Variants in FSTL5 observed in about 807,000 individuals in gnomAD.
FSTL5 encodes the protein follistatin like 5.
In FSTL5, 62 loss-of-function variants were observed where a neutral mutation model predicts 89.1. The observed-to-expected ratio is 0.70, with a 90% confidence interval of 0.57 to 0.86. The LOEUF (loss-of-function observed/expected upper bound fraction) is 0.86. Among genes scored for constraint, FSTL5 ranks in the 40% least tolerant of loss-of-function variants. FSTL5 has a pLI of 0.00. For missense variants in FSTL5, 1,057 were observed against 1,001.6 expected (o/e 1.06, Z -0.75); for synonymous variants, 383 against 346.2 (o/e 1.11, Z -1.18).
At chr4:162,051,191 AT>A (rs1322968180) in intron 2 of FSTL5, among the ~76,000 whole-genome samples, 3 of 151,544 alleles carry the variant, frequency 2.0e-5, no homozygotes, top group African/African-American at 7.2e-5. Flanking sequence ...TTGATTAAAA[AT>A]ATTGTAGAGA....
At chr4:161,865,577 T>A (rs892137507) in intron 4 of FSTL5, among the ~76,000 whole-genome samples, 2 of 152,162 alleles carry the variant, frequency 1.3e-5, no homozygotes, top group African/African-American at 4.8e-5. Context: ...TGATAAGACA[T>A]AGAAGCAGTG....
intron 12 of FSTL5, among the ~76,000 whole-genome samples, chr4:161,491,839 CA>C (rs11356806): frequency 0.2 from 24,032 of 122,634 alleles, 2,127 homozygotes; most frequent in East Asian, 0.41. Context: ...GACTCTGTCT[CA>C]AAAAAAAAAA....
At chr4:162,126,480 T>G (rs1732085294) in intron 1 of FSTL5, among the ~76,000 whole-genome samples, 1 of 152,074 alleles carries the variant, frequency 6.6e-6, no homozygotes, top group South Asian at 2.1e-4. Context: ...TTTAACACCC[T>G]TTTTATTAAA....
chr4:162,018,587 C>T (rs6536631), intron 3 of FSTL5, among the ~76,000 whole-genome samples: 14,888 of 151,914 alleles, frequency 0.098, 857 homozygotes, highest in Non-Finnish European at 0.13. Flanking sequence ...GCCTACTTGT[C>T]ATAACTTTTT....
chr4:162,119,552 T>G (rs748864409), intron 1 of FSTL5, among the ~76,000 whole-genome samples: 68 of 152,328 alleles, frequency 4.5e-4, no homozygotes, highest in Middle Eastern at 3.4e-3. Context: ...GGACAAAAAT[T>G]ATACCCATTT....
At chr4:162,129,340 T>C (rs983662871) in intron 1 of FSTL5, among the ~76,000 whole-genome samples, 8 of 152,252 alleles carry the variant, frequency 5.3e-5, no homozygotes, top group Non-Finnish European at 1.0e-4. Flanking sequence ...CTGCATATCA[T>C]TTGTATGTTA....
At chr4:161,699,490 T>C (rs1271739981) in intron 6 of FSTL5, among the ~76,000 whole-genome samples, 1 of 152,152 alleles carries the variant, frequency 6.6e-6, no homozygotes, top group Non-Finnish European at 1.5e-5. Flanking sequence ...GACCACTGTG[T>C]TTAAGAAGTA....
At chr4:161,851,745 G>A (rs1230741879) in intron 4 of FSTL5, among the ~76,000 whole-genome samples, 2 of 63,174 alleles carry the variant, frequency 3.2e-5, no homozygotes, top group Non-Finnish European at 7.3e-5. Flanking sequence ...CTATTATTTA[G>A]AGAATTTTTT....
chr4:161,896,660 C>A (rs1325038790), intron 4 of FSTL5, among the ~76,000 whole-genome samples: 2 of 151,984 alleles, frequency 1.3e-5, no homozygotes, highest in Non-Finnish European at 2.9e-5. Context: ...ATATCTTAAA[C>A]CTGTGAAGAA....
chr4:161,806,362 A>G (rs906117005), intron 4 of FSTL5, among the ~76,000 whole-genome samples: 1 of 152,118 alleles, frequency 6.6e-6, no homozygotes, highest in Non-Finnish European at 1.5e-5. Context: ...TCTGCCACCA[A>G]TATACCATTG....
At chr4:161,425,990 G>C (rs1028394823) in intron 15 of FSTL5, among the ~76,000 whole-genome samples, 1 of 151,688 alleles carries the variant, frequency 6.6e-6, no homozygotes, top group Non-Finnish European at 1.5e-5. Context: ...GATTATTTGG[G>C]AGTTTATCAA....
At chr4:161,820,325 C>G (rs359135) in intron 4 of FSTL5, among the ~76,000 whole-genome samples, 281 of 152,102 alleles carry the variant, frequency 1.8e-3, no homozygotes, top group African/African-American at 6.4e-3. Context: ...TCAAAAATAC[C>G]ATTAAGAACT....
At chr4:161,772,315 A>C (rs1040723802) in intron 5 of FSTL5, among the ~76,000 whole-genome samples, 6 of 152,060 alleles carry the variant, frequency 3.9e-5, no homozygotes, top group Non-Finnish European at 8.8e-5. Flanking sequence ...ATTAACAGAC[A>C]CTGTTAAGAT....
At chr4:161,392,975 C>T (rs1395108614) in intron 15 of FSTL5, among the ~76,000 whole-genome samples, 4 of 151,968 alleles carry the variant, frequency 2.6e-5, no homozygotes, top group Admixed American at 6.6e-5. Context: ...ACCAGCCTGG[C>T]CAACATGACA....
chr4:161,499,309 G>A (rs1167666385), intron 12 of FSTL5, among the ~76,000 whole-genome samples: 2 of 152,032 alleles, frequency 1.3e-5, no homozygotes, highest in East Asian at 3.9e-4. Context: ...TAATAATTTA[G>A]CCTATGGCTG....
chr4:162,099,991 C>T lies in FSTL5; in HGVS notation c.126+11280G>A, dbSNP rs1730924601. Among the ~76,000 whole-genome samples the T allele has an allele frequency of 1.3e-5, 2 of 152,140 alleles. 1 individual carries two copies. The highest frequency in any genetic ancestry group is 4.1e-4 in the South Asian group (2 of 4,832). ...GTGGGAATGAAAAATTATACAGCCACTGTAGAATACAGTTTGGCAGTTTCT... is the reference window on the plus strand; with the variant it reads ...GTGGGAATGAAAAATTATACAGCCATTGTAGAATACAGTTTGGCAGTTTCT... On this transcript the variant is annotated intron_variant, in intron 2 of 15. Coordinates refer to ENST00000306100, the MANE Select transcript of FSTL5 (RefSeq NM_020116.5).
chr4:161,894,485 T>C (rs1733091034), intron 4 of FSTL5, among the ~76,000 whole-genome samples: 1 of 152,142 alleles, frequency 6.6e-6, no homozygotes, highest in Non-Finnish European at 1.5e-5. Context: ...TATATCTTTT[T>C]TCTTTTTTCT....
intron 3 of FSTL5, chr4:162,022,724 T>G (rs1215419000): frequency 6.6e-6 from 1 of 152,148 alleles, no homozygotes; most frequent in African/African-American, 2.4e-5. Flanking sequence ...CAATTATGAC[T>G]TAATCCCCAG....
At chr4:161,860,364 G>T (rs1026101165) in intron 4 of FSTL5, among the ~76,000 whole-genome samples, 1 of 152,200 alleles carries the variant, frequency 6.6e-6, no homozygotes, top group Admixed American at 6.5e-5. Flanking sequence ...ATGGGTCAGA[G>T]ATTAAGTTGA....
Sources: allele counts gnomAD v4.1 joint callset (sites outside exome capture counted in the v4.1 genomes callset), GRCh38; gene constraint gnomAD v4.1.1; transcripts MANE v1.5; gene names NCBI Gene and HGNC (gene_info 2026-07-23, HGNC 2026-07-21).